Variants in NHSL1 observed in about 807,000 individuals in gnomAD.
The protein encoded by NHSL1 is NHS like 1, also known as NHS-like protein 1.
A neutral mutation model predicts 95.0 loss-of-function variants in NHSL1; 48 were observed. That is an observed-to-expected ratio of 0.51 (90% CI 0.40 to 0.64). NHSL1 has a LOEUF of 0.64. Among genes scored for constraint, NHSL1 ranks in the 30% least tolerant of loss-of-function variants. NHSL1 has a pLI of 0.00. For synonymous variants in NHSL1, 783 were observed against 833.9 expected (o/e 0.94, Z 1.05); for missense variants, 1,971 against 2,077.7 (o/e 0.95, Z 1.00).
intron 1 of NHSL1, among the ~76,000 whole-genome samples, chr6:138,527,166 T>G (rs1470452963): frequency 6.6e-6 from 1 of 151,954 alleles, no homozygotes; most frequent in Non-Finnish European, 1.5e-5. Flanking sequence ...ACATATGAGG[T>G]CAAGACCAGC....
chr6:138,632,618 T>A (rs1784834301), intron 1 of NHSL1, among the ~76,000 whole-genome samples: 1 of 152,190 alleles, frequency 6.6e-6, no homozygotes, highest in African/African-American at 2.4e-5. Flanking sequence ...CATCAAGGTG[T>A]TACCTCTACG....
At chr6:138,651,746 C>G (rs750259223) in intron 1 of NHSL1, among the ~76,000 whole-genome samples, 1 of 152,140 alleles carries the variant, frequency 6.6e-6, no homozygotes, top group African/African-American at 2.4e-5. Context: ...GAGCTCAAGG[C>G]GCTTACATGA....
Position 138,588,233 on chromosome 6 carries a change from C to T in NHSL1, c.97-91862G>A, listed in dbSNP as rs577231152. Among the ~76,000 whole-genome samples, 9 of 152,298 alleles carry T rather than the reference C, an allele frequency of 5.9e-5. No individual in the cohort carries two copies. The South Asian group carries it at 1.5e-3, about 25-fold the overall frequency. On this transcript the variant is annotated intron_variant, in intron 1 of 3. Transcript: ENST00000491526. ...ATCTCAGCACTTTGGGAAGCCCAGG[C>T]GGGCAGATCACTTGAGGTCAAGAGT...
At chr6:138,429,085 C>A (rs945343055) in intron 7 of NHSL1, among the ~76,000 whole-genome samples, 4 of 152,128 alleles carry the variant, frequency 2.6e-5, no homozygotes, top group African/African-American at 9.7e-5. Context: ...ACAGTTCAGG[C>A]CATTACTTTG....
intron 1 of NHSL1, among the ~76,000 whole-genome samples, chr6:138,673,471 C>CA (rs1562409421): frequency 7.0e-6 from 1 of 142,342 alleles, no homozygotes; most frequent in Non-Finnish European, 1.6e-5. Context: ...AAAAAAAAAA[C>CA]AAAAAACACA....
At chr6:138,527,143 C>G (rs947132652) in intron 1 of NHSL1, among the ~76,000 whole-genome samples, 3 of 152,166 alleles carry the variant, frequency 2.0e-5, no homozygotes, top group Non-Finnish European at 4.4e-5. Context: ...GTCTCCTCCT[C>G]TTTATCCTAT....
chr6:138,553,969 T>C (rs780230462), intron 1 of NHSL1, among the ~76,000 whole-genome samples: 1 of 152,204 alleles, frequency 6.6e-6, no homozygotes, highest in African/African-American at 2.4e-5. Context: ...AGAAAAATAT[T>C]TTCTGGAAAT....
rs1178563052 is a variant in NHSL1, at chr6:138,447,066, G to C, written c.467C>G (p.Pro156Arg). The C allele has an allele frequency of 1.9e-6, 3 of 1,551,724 alleles. No homozygotes were observed. In the Admixed American group the frequency reaches 5.9e-5, roughly 30 times the overall value. The change falls in exon 4 of 8, where the codon CCA (proline) becomes CGA (arginine). Residue 156 changes from proline to arginine, a missense_variant. Coordinates refer to ENST00000343505, the MANE Select transcript of NHSL1 (RefSeq NM_001144060.2). Reference protein sequence around the residue: ...NWTKSLPLPTPEEKMRQQAQT... With the variant: ...NWTKSLPLPTREEKMRQQAQT... ...GGCTTGCTGTCGCATCTTCTCTTCT[G>C]GTGTTGGCAGTGGAAGCGACTTGGT...
intron 1 of NHSL1, among the ~76,000 whole-genome samples, chr6:138,583,106 T>A (rs1003925203): frequency 5.9e-5 from 9 of 152,118 alleles, no homozygotes; most frequent in African/African-American, 2.2e-4. Context: ...AGTTTTAAAA[T>A]GGGGGCAGTC....
At position 138,496,475 on chromosome 6, in the gene NHSL1, C is replaced by T. The variant is rs985710532; in HGVS notation, c.59-104G>A. The T allele has an allele frequency of 4.3e-6, 5 of 1,155,674 alleles. No homozygotes were observed. In the African/African-American group the frequency reaches 7.7e-5, roughly 18 times the overall value. The allele number at this position is 1,155,674 out of a possible 1,614,324, so 71.6% of individuals were successfully genotyped here. On this transcript the variant is annotated intron_variant, in intron 1 of 7. Coordinates refer to ENST00000343505, the MANE Select transcript of NHSL1 (RefSeq NM_001144060.2). Reference sequence around the variant, plus strand: ...GTCTAACACATCCACGGGTAAGGGCCAGCAAGGGAGCAATGGAGCAAATCC... The same window carrying T: ...GTCTAACACATCCACGGGTAAGGGCTAGCAAGGGAGCAATGGAGCAAATCC...
At chr6:138,593,981 T>C (rs1181751981) in intron 1 of NHSL1, among the ~76,000 whole-genome samples, 1 of 152,218 alleles carries the variant, frequency 6.6e-6, no homozygotes, top group African/African-American at 2.4e-5. Context: ...GAGCAAAAAG[T>C]ATCTTCCTAT....
chr6:138,543,620 A>T (rs1458770177), intron 1 of NHSL1, among the ~76,000 whole-genome samples: 1 of 152,212 alleles, frequency 6.6e-6, no homozygotes, highest in Non-Finnish European at 1.5e-5. Context: ...CACATATGCA[A>T]TAGCCCCTAG....
intron 1 of NHSL1, among the ~76,000 whole-genome samples, chr6:138,525,528 A>AAAAT (rs141195256): frequency 0.053 from 7,391 of 139,546 alleles, 198 homozygotes; most frequent in African/African-American, 0.064. Context: ...ACCTTGTCTC[A>AAAAT]AAATAAATAA....
intron 1 of NHSL1, among the ~76,000 whole-genome samples, chr6:138,635,612 T>C (rs1784877076): frequency 6.6e-6 from 1 of 152,102 alleles, no homozygotes; most frequent in African/African-American, 2.4e-5. Flanking sequence ...GAACTAATAT[T>C]AATACCAATC....
Position 138,489,761 on chromosome 6 carries a change from CA to C in NHSL1, c.211+6457del, listed in dbSNP as rs771589265. On this transcript the variant is annotated intron_variant, in intron 2 of 7. Transcript: ENST00000343505. ...TGGGCAACAGAGCAAGACCCTGTCT[CA>C]AAAAAAAAAAAAAAAAGAGAGAAAG... 4.1e-3 allele frequency among the ~76,000 whole-genome samples: 205 copies of C among 49,826 alleles called. 1 individual carries two copies. Among genetic ancestry groups the C allele is most frequent in the Middle Eastern group, 0.017 (1 of 60 alleles). The allele number at this position is 49,826 out of a possible 152,430, so 32.7% of individuals were successfully genotyped here.
chr6:138,445,223 T>A (rs1776787989), intron 4 of NHSL1, among the ~76,000 whole-genome samples: 3 of 152,200 alleles, frequency 2.0e-5, no homozygotes, highest in Admixed American at 2.0e-4. Flanking sequence ...ATTGTCATAT[T>A]TCATTGCACA....
chr6:138,590,653 C>T (rs1784211429), intron 1 of NHSL1, among the ~76,000 whole-genome samples: 1 of 152,186 alleles, frequency 6.6e-6, no homozygotes, highest in Admixed American at 6.5e-5. Flanking sequence ...GTTCTCCATA[C>T]TCTTCAGCAT....
chr6:138,447,099 G>A lies in NHSL1; in HGVS notation c.434C>T (p.Thr145Met), dbSNP rs1438315771. ...CAGTGGAAGCGACTTGGTCCAGTTC[G>A]TCTGAGTATTAAGGTCGGAGAAGTC... ...SSDFSDLNTQ[T>M]NWTKSLPLPT... Residue 145 changes from threonine (T) to methionine (M), a missense_variant, in exon 4 of 8, where the codon ACG becomes ATG. Around this residue, in one of 3 missense-constraint regions of NHSL1, gnomAD observed 1,602 missense variants for 1,654.5 expected, o/e 0.97. Coordinates refer to ENST00000343505, the MANE Select transcript of NHSL1 (RefSeq NM_001144060.2). 2.6e-5 allele frequency: 40 copies of A among 1,551,752 alleles called. No homozygotes were observed. Among genetic ancestry groups the A allele is most frequent in the Non-Finnish European group, 3.4e-5 (39 of 1,146,998 alleles).
intron 1 of NHSL1, among the ~76,000 whole-genome samples, chr6:138,558,616 G>A (rs10081050): frequency 0.062 from 9,244 of 149,746 alleles, 935 homozygotes; most frequent in African/African-American, 0.21. Context: ...TAGAGACAGG[G>A]TTTCACCATG....
Sources: allele counts gnomAD v4.1 joint callset (sites outside exome capture counted in the v4.1 genomes callset), GRCh38; gene constraint gnomAD v4.1.1; regional missense constraint gnomAD v4.1.1; transcripts MANE v1.5; gene names NCBI Gene and HGNC (gene_info 2026-07-23, HGNC 2026-07-21).